The following ZNF540 variants were observed in gnomAD, a reference collection of about 807,000 sequenced individuals.
ZNF540 encodes the protein zinc finger protein 540, also known as CTD-3064H18.6.
ZNF540 carries 3 observed loss-of-function variants against 11.8 expected under a neutral mutation model. The observed-to-expected ratio is 0.25, with a 90% CI of 0.12 to 0.65. The LOEUF (loss-of-function observed/expected upper bound fraction) is 0.65. ZNF540 is among the 30% of genes least tolerant of loss of function. The probability of loss-of-function intolerance (pLI) is 0.83; values close to 1 mark genes in which losing one functional copy is unlikely to be tolerated. For missense variants in ZNF540, 709 were observed against 793.1 expected (o/e 0.89, Z 1.27); for synonymous variants, 247 against 259.0 (o/e 0.95, Z 0.45).
intron 1 of ZNF540, chr19:37,564,137 C>T (rs2042767346): frequency 6.6e-6 from 1 of 152,476 alleles, no homozygotes. Flanking sequence ...AAAGGGGCTA[C>T]ATGATAAGAG....
chr19:37,553,113 C>CTTT lies in ZNF540; in HGVS notation c.-73+1484_-73+1486dup, dbSNP rs746114598. ...AATCTTTTTTTATATAACCTAACAT[C>CTTT]TTTTTTTTTTTTTTTTTTTTTTTTT... On this transcript the variant is annotated intron_variant, in intron 1 of 4. Transcript: ENST00000592533. Among the ~76,000 whole-genome samples, 6 of 33,098 alleles carry CTTT rather than the reference C, an allele frequency of 1.8e-4. 2 individuals carry two copies. Among genetic ancestry groups the CTTT allele is most frequent in the Non-Finnish European group, 3.3e-4 (6 of 18,168 alleles). The allele number at this position is 33,098 out of a possible 152,430, so 21.7% of individuals were successfully genotyped here. A position where few individuals can be genotyped will look rare whatever the true frequency, so the allele number is the denominator to read the frequency against.
At chr19:37,574,472 G>A (rs75907098) in intron 1 of ZNF540, among the ~76,000 whole-genome samples, 3,956 of 152,162 alleles carry the variant, frequency 0.026, 182 homozygotes, top group African/African-American at 0.089. Context: ...TTCCCCAAAT[G>A]ACTATGCCAC....
chr19:37,578,992 A>G (rs2043348744), intron 1 of ZNF540, among the ~76,000 whole-genome samples: 1 of 151,050 alleles, frequency 6.6e-6, no homozygotes, highest in Non-Finnish European at 1.5e-5. Flanking sequence ...GTCAGTCTCC[A>G]TTGCAGGAGT....
intron 1 of ZNF540, among the ~76,000 whole-genome samples, chr19:37,571,455 C>G (rs2043048623): frequency 6.6e-6 from 1 of 152,252 alleles, no homozygotes; most frequent in African/African-American, 2.4e-5. Context: ...GAGATCACAC[C>G]ACTGCACTCC....
Position 37,612,136 on chromosome 19 carries a change from C to A in ZNF540, c.856C>A (p.Leu286Ile), listed in dbSNP as rs1187266092. Residue 286 changes from leucine to isoleucine, a missense_variant, in exon 5 of 5, where the codon CTT (leucine) becomes ATT (isoleucine). By Grantham distance (5) the Leu-to-Ile change is conservative (BLOSUM62 2). Transcript: ENST00000316433. ...CDKGFFSRLELTQHKRIHTGK... is the reference protein window; with the variant it reads ...CDKGFFSRLEITQHKRIHTGK... ...TAAGGGTTTTTTTAGTAGATTAGAACTTACTCAACATAAAAGAATTCATAC... is the reference window on the plus strand; with the variant it reads ...TAAGGGTTTTTTTAGTAGATTAGAAATTACTCAACATAAAAGAATTCATAC... 1.9e-6 allele frequency: 3 copies of A among 1,611,512 alleles called. No individual in the cohort carries two copies. Among genetic ancestry groups the A allele is most frequent in the Non-Finnish European group, 2.5e-6 (3 of 1,179,616 alleles).
chr19:37,565,205 TG>T (rs778073440), intron 1 of ZNF540: 1 of 1,613,632 alleles, frequency 6.2e-7, no homozygotes, highest in East Asian at 2.2e-5. Flanking sequence ...TCTTTGATGT[TG>T]AATAAGATTA....
intron 1 of ZNF540, among the ~76,000 whole-genome samples, chr19:37,587,766 T>C (rs1415640076): frequency 6.6e-6 from 1 of 152,050 alleles, no homozygotes; most frequent in African/African-American, 2.4e-5. Context: ...TGTACTAAGA[T>C]TTTGTCCTCC....
intron 1 of ZNF540, among the ~76,000 whole-genome samples, chr19:37,570,743 C>G (rs1379065725): frequency 6.6e-6 from 1 of 152,132 alleles, no homozygotes; most frequent in East Asian, 1.9e-4. Flanking sequence ...TCTTAATAAC[C>G]TACTACTGAA....
intron 1 of ZNF540, among the ~76,000 whole-genome samples, chr19:37,578,916 T>C (rs770198381): frequency 5.3e-5 from 8 of 152,154 alleles, no homozygotes; most frequent in Non-Finnish European, 1.0e-4. Context: ...CTGTATGCCC[T>C]AAACAGTGAA....
At chr19:37,564,794 A>C in intron 1 of ZNF540, 1 of 1,613,862 alleles carries the variant, frequency 6.2e-7, no homozygotes, top group Non-Finnish European at 8.5e-7. Context: ...ATGTTCAGTA[A>C]GGTGTGAGCC....
chr19:37,584,738 G>A (rs536437063), intron 1 of ZNF540, among the ~76,000 whole-genome samples: 192 of 152,072 alleles, frequency 1.3e-3, no homozygotes, highest in African/African-American at 4.3e-3. Context: ...CGAGGCGGGC[G>A]GATCACGAGG....
In ZNF540 at chr19:37,569,795, G is replaced by A. The variant is rs982753323; in HGVS notation, c.-73+18130G>A. The A allele has an allele frequency of 6.6e-6, 1 of 152,310 alleles. No individual in the cohort carries two copies. The highest frequency in any genetic ancestry group is 2.4e-5 in the African/African-American group (1 of 41,402). 9.4% of individuals were successfully genotyped at this position (152,310 alleles called of 1,614,324 possible). A position where few individuals can be genotyped will look rare whatever the true frequency, so the allele number is the denominator to read the frequency against. ...GTACACTGTTACTTCTGCTAGGAATGCTCTTCCCTCTTCTCTCTATCCTCA... is the reference window on the plus strand; with the variant it reads ...GTACACTGTTACTTCTGCTAGGAATACTCTTCCCTCTTCTCTCTATCCTCA... On this transcript the variant is annotated intron_variant, in intron 1 of 4. Coordinates refer to the ZNF540 transcript ENST00000592533. The surrounding 1 kb of genome is among the most constrained non-coding windows in gnomAD (Gnocchi z 4.4).
upstream of ZNF540, among the ~76,000 whole-genome samples, chr19:37,589,954 A>C (rs1230042112): frequency 2.6e-5 from 4 of 151,772 alleles, no homozygotes; most frequent in Non-Finnish European, 4.4e-5. Flanking sequence ...CTACAAAATA[A>C]CAGGCCTGTA....
intron 1 of ZNF540, among the ~76,000 whole-genome samples, chr19:37,572,006 A>AAT (rs150177228): frequency 1.7e-4 from 26 of 150,912 alleles, no homozygotes; most frequent in African/African-American, 5.6e-4. Flanking sequence ...CAAATAGACT[A>AAT]TATGGCCATA....
chr19:37,581,535 G>T lies in ZNF540; in HGVS notation c.-72-16841G>T, dbSNP rs1664972662. On this transcript the variant is annotated intron_variant, in intron 1 of 4. Transcript: ENST00000592533. ...GGCTGAAATGCAGTGGCGTGATCAT[G>T]GTTCACTGCAACCTCGACCTCGGGG... Among the ~76,000 whole-genome samples the T allele has an allele frequency of 2.0e-5, 3 of 149,486 alleles. No homozygotes were observed. The South Asian group carries it at 6.4e-4, about 32-fold the overall frequency.
At chr19:37,607,961 G>C (rs770784041) in intron 4 of ZNF540, among the ~76,000 whole-genome samples, 16 of 152,272 alleles carry the variant, frequency 1.1e-4, no homozygotes, top group Middle Eastern at 3.4e-3. Context: ...CCACATCCTT[G>C]TCAGCCTTTG....
At chr19:37,597,784 C>T (rs1201350154) in intron 1 of ZNF540, among the ~76,000 whole-genome samples, 1 of 152,250 alleles carries the variant, frequency 6.6e-6, no homozygotes, top group Non-Finnish European at 1.5e-5. Flanking sequence ...GTGGCCCATA[C>T]AATCTCCATT....
intron 1 of ZNF540, among the ~76,000 whole-genome samples, chr19:37,581,500 C>G (rs2147191806): frequency 6.8e-6 from 1 of 146,774 alleles, no homozygotes; most frequent in African/African-American, 2.5e-5. Flanking sequence ...TGGTCTTGCT[C>G]TGTCGCCCAG....
intron 1 of ZNF540, among the ~76,000 whole-genome samples, chr19:37,552,382 G>C (rs1292444745): frequency 2.6e-5 from 4 of 152,108 alleles, no homozygotes; most frequent in Non-Finnish European, 5.9e-5. Context: ...ATTACAACAA[G>C]TTGGCTATTA....
Sources: gnomAD v4.1 joint callset for allele counts (sites outside exome capture counted in the v4.1 genomes callset) on GRCh38, gnomAD v4.1.1 for gene constraint, Gnocchi (gnomAD v3.1) non-coding constraint, MANE v1.5 for transcripts, NCBI Gene and HGNC (gene_info 2026-07-23, HGNC 2026-07-21) for gene names.